PBX3: variants seen among roughly 807,000 people sequenced by gnomAD.
PBX3 encodes the protein pre-B-cell leukemia transcription factor 3.
In PBX3, 14 loss-of-function variants were observed where a neutral mutation model predicts 48.5. That is an observed-to-expected ratio of 0.29 (90% CI 0.19 to 0.45). PBX3 has a LOEUF of 0.45. PBX3 is among the 20% of genes least tolerant of loss of function. The pLI is 1.00. For synonymous variants in PBX3, 210 were observed against 200.3 expected (o/e 1.05, Z -0.41); for missense variants, 386 against 546.7 (o/e 0.71, Z 2.93).
intron 2 of PBX3, among the ~76,000 whole-genome samples, chr9:125,865,071 C>G (rs906111362): frequency 6.6e-5 from 10 of 152,228 alleles, no homozygotes; most frequent in Admixed American, 5.9e-4. Context: ...CCTATGTATT[C>G]ATCCACATGA....
intron 2 of PBX3, among the ~76,000 whole-genome samples, chr9:125,799,997 T>G (rs941658678): frequency 6.6e-6 from 1 of 152,260 alleles, no homozygotes; most frequent in African/African-American, 2.4e-5. Flanking sequence ...GCAATGCTTA[T>G]TATTGTAATT....
chr9:125,859,089 G>A (rs1285121626), intron 2 of PBX3, among the ~76,000 whole-genome samples: 1 of 152,188 alleles, frequency 6.6e-6, no homozygotes, highest in Non-Finnish European at 1.5e-5. Context: ...CCCACAGAGG[G>A]TGATGGAGAT....
intron 2 of PBX3, among the ~76,000 whole-genome samples, chr9:125,877,345 A>C (rs1300230266): frequency 6.6e-6 from 1 of 152,238 alleles, no homozygotes; most frequent in Non-Finnish European, 1.5e-5. Flanking sequence ...CACTTGTTTT[A>C]GACAAATCTA....
At chr9:125,837,703 G>C (rs1839177308) in intron 2 of PBX3, among the ~76,000 whole-genome samples, 1 of 151,230 alleles carries the variant, frequency 6.6e-6, no homozygotes, top group African/African-American at 2.4e-5. Context: ...CCATTCTTCC[G>C]CCTCAGCCAC....
At chr9:125,761,203 TTTC>T (rs1435390628) in intron 2 of PBX3, among the ~76,000 whole-genome samples, 4 of 151,054 alleles carry the variant, frequency 2.6e-5, no homozygotes, top group African/African-American at 7.4e-5. Context: ...TAATAAATAG[TTTC>T]TTTTTTCTTT....
chr9:125,962,076 C>G, intron 6 of PBX3, 26 bp from the exon 7 acceptor site: 2 of 1,147,424 alleles, frequency 1.7e-6, no homozygotes, highest in Non-Finnish European at 2.6e-6. Context: ...CTCTGTTATT[C>G]AGCTACTTAA....
intron 2 of PBX3, among the ~76,000 whole-genome samples, chr9:125,874,167 G>A (rs1286969623): frequency 2.0e-5 from 3 of 152,048 alleles, no homozygotes; most frequent in Admixed American, 6.5e-5. Flanking sequence ...GAAAATGTTC[G>A]TAATCTTATA....
intron 5 of PBX3, among the ~76,000 whole-genome samples, chr9:125,950,222 CTT>C (rs994491824): frequency 6.6e-6 from 1 of 152,158 alleles, no homozygotes; most frequent in Non-Finnish European, 1.5e-5. Flanking sequence ...AGATGAACCT[CTT>C]TGTGAATGTC....
intron 2 of PBX3, among the ~76,000 whole-genome samples, chr9:125,841,492 C>T (rs1031309116): frequency 2.0e-5 from 3 of 152,142 alleles, no homozygotes; most frequent in Admixed American, 2.0e-4. Flanking sequence ...TTTTTATGTA[C>T]GTAACTGTTG....
At chr9:125,902,285 G>A (rs577459170) in intron 2 of PBX3, among the ~76,000 whole-genome samples, 37 of 151,740 alleles carry the variant, frequency 2.4e-4, no homozygotes, top group African/African-American at 8.7e-4. Flanking sequence ...ATTGACCAGT[G>A]TTATTCTGTT....
chr9:125,780,370 A>ACCCC (rs1837229358), intron 2 of PBX3, among the ~76,000 whole-genome samples: 2 of 110,720 alleles, frequency 1.8e-5, no homozygotes, highest in African/African-American at 3.6e-5. Context: ...CGGGGAGCTG[A>ACCCC]CCCCACCTCC....
At chr9:125,860,132 C>T (rs1033970775) in intron 2 of PBX3, among the ~76,000 whole-genome samples, 7 of 152,198 alleles carry the variant, frequency 4.6e-5, no homozygotes, top group African/African-American at 1.4e-4. Context: ...TGGCTCCGCT[C>T]ATTGTAGTCA....
Position 125,759,945 on chromosome 9 carries a change from T to C in PBX3, c.274+11322T>C, listed in dbSNP as rs180744414. 1.5e-3 allele frequency among the ~76,000 whole-genome samples: 230 copies of C among 152,308 alleles called. No homozygotes were observed. The highest frequency in any genetic ancestry group is 3.3e-3 in the Admixed American group (51 of 15,294). On this transcript the variant is annotated intron_variant, in intron 2 of 8. Transcript: ENST00000373489. The surrounding 1 kb of genome is among the most constrained non-coding windows in gnomAD (Gnocchi z 4.2). ...GATTGATTGGATTTGAGGGTTACAA[T>C]TGTGGGAGCACTGCTGTTGTCAAGT... is the stretch of plus-strand genomic sequence containing the variant.
At chr9:125,799,897 A>G (rs1837888652) in intron 2 of PBX3, among the ~76,000 whole-genome samples, 1 of 152,154 alleles carries the variant, frequency 6.6e-6, no homozygotes, top group Non-Finnish European at 1.5e-5. Context: ...TTGGCACTTT[A>G]TTTTCCAGGA....
At chr9:125,837,569 T>C (rs1839172974) in intron 2 of PBX3, among the ~76,000 whole-genome samples, 1 of 152,040 alleles carries the variant, frequency 6.6e-6, no homozygotes, top group Admixed American at 6.6e-5. Flanking sequence ...AATGAAAATA[T>C]ACTTTAAGAG....
rs765994932 is a variant in PBX3 at position 125,965,795 on chromosome 9, A to G, written c.1213-36A>G. ...AAATTGGGGAGTAGAATTAATATGT[A>G]GACGTGCACCCGTTGAACTGTGTTT... On this transcript the variant is annotated intron_variant, in intron 8 of 8. Coordinates refer to ENST00000373489, the MANE Select transcript of PBX3 (RefSeq NM_006195.6). 11 of 1,470,134 alleles carry G rather than the reference A, an allele frequency of 7.5e-6. 1 individual carries two copies. Among genetic ancestry groups the G allele is most frequent in the Non-Finnish European group, 1.0e-5 (11 of 1,048,768 alleles). 91.1% of individuals were successfully genotyped at this position (1,470,134 alleles called of 1,614,324 possible). A position where few individuals can be genotyped will look rare whatever the true frequency, so the allele number is the denominator to read the frequency against.
chr9:125,941,366 A>G (rs1259325382), intron 5 of PBX3, among the ~76,000 whole-genome samples: 1 of 152,234 alleles, frequency 6.6e-6, no homozygotes, highest in Non-Finnish European at 1.5e-5. Flanking sequence ...TTGGGCTTTC[A>G]CTGTGAGATG....
chr9:125,899,466 G>T (rs1169170249), intron 2 of PBX3, among the ~76,000 whole-genome samples: 39 of 146,828 alleles, frequency 2.7e-4, no homozygotes, highest in African/African-American at 8.5e-4. Context: ...GAGAGAGAGA[G>T]AGAGAGAGAG....
At chr9:125,826,449 G>A (rs1838809804) in intron 2 of PBX3, among the ~76,000 whole-genome samples, 1 of 151,850 alleles carries the variant, frequency 6.6e-6, no homozygotes, top group African/African-American at 2.4e-5. Flanking sequence ...AATTAATGAA[G>A]GGTCATTGGT....
Sources: allele counts gnomAD v4.1 joint callset (sites outside exome capture counted in the v4.1 genomes callset), GRCh38; gene constraint gnomAD v4.1.1; non-coding constraint Gnocchi (gnomAD v3.1); transcripts MANE v1.5; gene names NCBI Gene and HGNC (gene_info 2026-07-23, HGNC 2026-07-21).